The following ROBO2 variants were observed in gnomAD, a reference collection of about 807,000 sequenced individuals.
The protein encoded by ROBO2 is roundabout guidance receptor 2.
ROBO2 carries 53 observed loss-of-function variants against 160.8 expected under a neutral mutation model. The observed-to-expected ratio is 0.33, with a 90% CI of 0.26 to 0.41. The LOEUF (loss-of-function observed/expected upper bound fraction) is 0.41. Among genes scored for constraint, ROBO2 ranks in the 10% least tolerant of loss-of-function variants. ROBO2 has a pLI of 1.00. For synonymous variants in ROBO2, 664 were observed against 611.7 expected, an observed-to-expected ratio of 1.09 and a Z score of -1.26; for missense variants, 1,577 against 1,722.4, an observed-to-expected ratio of 0.92 and a Z score of 1.49.
chr3:76,142,609 C>CA (rs1477722298), intron 2 of ROBO2, among the ~76,000 whole-genome samples: 31 of 151,710 alleles, frequency 2.0e-4, no homozygotes, highest in Admixed American at 6.6e-5. Context: ...ATCTAAAAAT[C>CA]AAAAAAATTA....
intron 1 of ROBO2, among the ~76,000 whole-genome samples, chr3:77,094,992 C>A (rs1372278201): frequency 1.3e-5 from 2 of 151,970 alleles, no homozygotes; most frequent in Non-Finnish European, 2.9e-5. Context: ...GGGTAGTATT[C>A]TTTCAAGCAC....
At chr3:75,939,455 A>G (rs9837203) in intron 2 of ROBO2, among the ~76,000 whole-genome samples, 66,528 of 152,026 alleles carry the variant, frequency 0.44, 15,903 homozygotes, top group South Asian at 0.66. Flanking sequence ...ATTAAAAAAC[A>G]GCCTGAAATC....
At chr3:76,009,402 T>C (rs2066130645) in intron 2 of ROBO2, among the ~76,000 whole-genome samples, 1 of 152,146 alleles carries the variant, frequency 6.6e-6, no homozygotes. Flanking sequence ...CGCGCCTGGC[T>C]GAAGATCCGA....
intron 2 of ROBO2, among the ~76,000 whole-genome samples, chr3:75,985,243 C>A (rs1316390359): frequency 1.3e-5 from 2 of 151,338 alleles, no homozygotes; most frequent in Non-Finnish European, 3.0e-5. Context: ...CAGACTTTGG[C>A]CAATATCCGT....
chr3:77,545,370 T>C (rs578082534), intron 6 of ROBO2, among the ~76,000 whole-genome samples: 2 of 152,206 alleles, frequency 1.3e-5, no homozygotes, highest in Admixed American at 6.6e-5. Context: ...CATTTTTCCA[T>C]TTACCTCAAA....
chr3:76,611,689 G>A (rs34634300), intron 2 of ROBO2, among the ~76,000 whole-genome samples: 24,559 of 151,896 alleles, frequency 0.16, 2,178 homozygotes, highest in Middle Eastern at 0.18. Flanking sequence ...AAGTTTTGTC[G>A]ATTTTATTTA....
chr3:75,934,898 C>T (rs1028646865), intron 1 of ROBO2, among the ~76,000 whole-genome samples: 1 of 151,894 alleles, frequency 6.6e-6, no homozygotes, highest in Non-Finnish European at 1.5e-5. Flanking sequence ...GGAAATATTA[C>T]ATAAAAATAA....
chr3:77,430,975 CT>C (rs1474431507), intron 2 of ROBO2, among the ~76,000 whole-genome samples: 6 of 152,102 alleles, frequency 3.9e-5, no homozygotes, highest in Non-Finnish European at 8.8e-5. Context: ...TCTGCTTATT[CT>C]TTTCCCAGTA....
chr3:77,317,219 C>A, intron 2 of ROBO2: 1 of 821,132 alleles, frequency 1.2e-6, no homozygotes, highest in Non-Finnish European at 2.2e-6. Context: ...GTGTGGAAAT[C>A]CACGTCACAG....
intron 6 of ROBO2, among the ~76,000 whole-genome samples, chr3:77,524,072 T>G (rs1195187281): frequency 1.3e-5 from 2 of 151,272 alleles, no homozygotes; most frequent in Non-Finnish European, 3.0e-5. Flanking sequence ...AGGTTATTAT[T>G]AGGAGACAGG....
intron 5 of ROBO2, among the ~76,000 whole-genome samples, chr3:77,513,543 C>T (rs2089654897): frequency 6.6e-6 from 1 of 151,682 alleles, no homozygotes; most frequent in African/African-American, 2.4e-5. Context: ...CTTAATATTT[C>T]TCTTTTGAAG....
intron 2 of ROBO2, among the ~76,000 whole-genome samples, chr3:77,190,414 G>A (rs530708008): frequency 2.6e-4 from 39 of 152,010 alleles, no homozygotes; most frequent in Middle Eastern, 3.4e-3. Flanking sequence ...CAAAATAAAC[G>A]ATATTGTCTG....
Position 76,639,369 on chromosome 3 carries a change from C to T in ROBO2, c.110-458645C>T, listed in dbSNP as rs144730446. ...GTATATGTACATGCATATATACCTG[C>T]ATATGTTTGTATGTGTGTGTAAATA... On this transcript the variant is annotated intron_variant, in intron 2 of 26. Transcript: ENST00000487694. Among the ~76,000 whole-genome samples the T allele has an allele frequency of 4.5e-3, 682 of 151,190 alleles. 6 individuals are homozygous for T. The highest frequency in any genetic ancestry group is 0.016 in the African/African-American group (660 of 41,148).
intron 2 of ROBO2, among the ~76,000 whole-genome samples, chr3:75,949,213 T>A (rs1332349646): frequency 1.3e-5 from 2 of 152,136 alleles, no homozygotes; most frequent in South Asian, 2.1e-4. Context: ...TTTCTCAATA[T>A]GTCTCCTTGT....
chr3:76,635,614 C>G (rs769475792), intron 2 of ROBO2, among the ~76,000 whole-genome samples: 2 of 152,172 alleles, frequency 1.3e-5, no homozygotes, highest in Non-Finnish European at 2.9e-5. Flanking sequence ...CTTTGAACTT[C>G]CCCTCTATGT....
intron 1 of ROBO2, among the ~76,000 whole-genome samples, chr3:75,911,552 CTT>C (rs56787695): frequency 2.4e-5 from 2 of 83,558 alleles, no homozygotes; most frequent in African/African-American, 9.6e-5. Context: ...AGCCTTGTTT[CTT>C]TTTTTTTTTT....
At chr3:77,321,787 G>A (rs1289648008) in intron 2 of ROBO2, among the ~76,000 whole-genome samples, 2 of 152,108 alleles carry the variant, frequency 1.3e-5, no homozygotes, top group South Asian at 2.1e-4. Context: ...CAAGTGAACC[G>A]AGAACTGTGC....
At chr3:76,085,833 C>T (rs2068994126) in intron 2 of ROBO2, among the ~76,000 whole-genome samples, 1 of 152,128 alleles carries the variant, frequency 6.6e-6, no homozygotes, top group South Asian at 2.1e-4. Context: ...CACAAAGGGC[C>T]CCCACACTTT....
intron 2 of ROBO2, among the ~76,000 whole-genome samples, chr3:77,214,697 T>C (rs1191231632): frequency 6.6e-6 from 1 of 152,220 alleles, no homozygotes; most frequent in Non-Finnish European, 1.5e-5. Flanking sequence ...CAATTTGGCA[T>C]GTTTTTGCAG....
Sources: allele counts gnomAD v4.1 joint callset (sites outside exome capture counted in the v4.1 genomes callset), GRCh38; gene constraint gnomAD v4.1.1; transcripts MANE v1.5; gene names NCBI Gene and HGNC (gene_info 2026-07-23, HGNC 2026-07-21).